The following SRPRB variants were observed in gnomAD, a reference collection of about 807,000 sequenced individuals.
The protein encoded by SRPRB is signal recognition particle receptor subunit beta.
SRPRB carries 20 observed loss-of-function variants against 31.9 expected under a neutral mutation model. The observed-to-expected ratio is 0.63, with a 90% CI of 0.44 to 0.91. The LOEUF (loss-of-function observed/expected upper bound fraction) is 0.91, where lower values mean the gene tolerates loss of function less well. Ranked by LOEUF, SRPRB falls within the 40% of genes least tolerant of loss-of-function variation. The pLI is 0.00. For missense variants in SRPRB, 321 were observed against 324.9 expected, an observed-to-expected ratio of 0.99 and a Z score of 0.09; for synonymous variants, 146 against 132.8, an observed-to-expected ratio of 1.10 and a Z score of -0.68.
downstream of SRPRB, chr3:133,827,265 A>G (rs1935579506): frequency 6.6e-6 from 1 of 152,228 alleles, no homozygotes; most frequent in African/African-American, 2.4e-5. Context: ...CATTCATCCC[A>G]TCTATGACAT....
At chr3:133,803,769 C>T (rs186870817), upstream of SRPRB, among the ~76,000 whole-genome samples, 139 of 151,218 alleles carry the variant, frequency 9.2e-4, no homozygotes, top group African/African-American at 2.4e-3. Flanking sequence ...TGGGCTCAAG[C>T]GCTCCTGCCT....
At chr3:133,823,783 T>TA (rs1317734407), downstream of SRPRB, among the ~76,000 whole-genome samples, 4 of 152,228 alleles carry the variant, frequency 2.6e-5, no homozygotes, top group African/African-American at 9.6e-5. Context: ...ATATGGCAGC[T>TA]AGATGTTGTC....
At chr3:133,823,342 C>T (rs574304508), downstream of SRPRB, among the ~76,000 whole-genome samples, 1 of 152,318 alleles carries the variant, frequency 6.6e-6, no homozygotes, top group East Asian at 1.9e-4. Context: ...TCACTGCAAC[C>T]TCTGCCTCCC....
chr3:133,805,976 C>T lies in SRPRB; in HGVS notation c.128C>T (p.Ala43Val). Residue 43 changes from alanine (A) to valine (V), a missense_variant, in exon 1 of 7, where the codon GCG (alanine) becomes GTG (valine). Transcript: ENST00000678299. ...TDPTLLSVVV[A>V]VLAVLLTLVF... ...CCAACGCTGTTGTCAGTAGTGGTGG[C>T]GGTTCTTGCGGTGCTGCTGACGCTA... 1.2e-6 allele frequency: 2 copies of T among 1,612,848 alleles called. No individual in the cohort carries two copies. The highest frequency in any genetic ancestry group is 1.7e-6 in the Non-Finnish European group (2 of 1,179,314).
At chr3:133,802,088 G>A (rs1202778728), upstream of SRPRB, among the ~76,000 whole-genome samples, 1 of 152,150 alleles carries the variant, frequency 6.6e-6, no homozygotes, top group Non-Finnish European at 1.5e-5. Flanking sequence ...ATTAGAAAAT[G>A]AGTCAGTGTG....
At chr3:133,815,808 GTTA>G in intron 5 of SRPRB, 82 bp downstream of exon 5, 1 of 1,501,694 alleles carries the variant, frequency 6.7e-7, no homozygotes, top group Non-Finnish European at 9.1e-7. Context: ...ATTTACAGTT[GTTA>G]TTATTGAGGA....
rs10512913 is a variant in SRPRB, at chr3:133,820,730, A to T, written c.*964A>T. On this transcript the variant is annotated 3_prime_UTR_variant, in exon 7 of 7. Coordinates refer to ENST00000678299, the MANE Select transcript of SRPRB (RefSeq NM_001379313.1). ...AAACACAAGGCTTTTTTGAATGATT[A>T]GTATATTTCATGGTAAAGAAAACAG... The T allele has an allele frequency of 6.6e-6, 1 of 152,110 alleles. No homozygotes were observed. The highest frequency in any genetic ancestry group is 1.5e-5 in the Non-Finnish European group (1 of 68,008). 9.4% of individuals were successfully genotyped at this position (152,110 alleles called of 1,614,324 possible). A position where few individuals can be genotyped will look rare whatever the true frequency, so the allele number is the denominator to read the frequency against.
At chr3:133,815,794 CATT>C in intron 5 of SRPRB, 68 bp downstream of exon 5, 1 of 1,551,058 alleles carries the variant, frequency 6.4e-7, no homozygotes, top group South Asian at 1.2e-5. Flanking sequence ...GAATTATTTC[CATT>C]ATTTACAGTT....
rs1935470437 is a variant in SRPRB at position 133,821,308 on chromosome 3, G to A, written c.*1542G>A. 6.6e-6 allele frequency: 1 copy of A among 152,344 alleles called. No homozygotes were observed. Among genetic ancestry groups the A allele is most frequent in the Non-Finnish European group, 1.5e-5 (1 of 68,046 alleles). 9.4% of individuals were successfully genotyped at this position (152,344 alleles called of 1,614,324 possible). A position where few individuals can be genotyped will look rare whatever the true frequency, so the allele number is the denominator to read the frequency against. On this transcript the variant is annotated 3_prime_UTR_variant, in exon 7 of 7. Coordinates refer to ENST00000678299, the MANE Select transcript of SRPRB (RefSeq NM_001379313.1). Reference sequence around the variant, plus strand: ...AGGAGTTGTGAGACCCTGACCCTGAGTCCTTACTTGAAAGCTGCTGCTGGT... The same window carrying A: ...AGGAGTTGTGAGACCCTGACCCTGAATCCTTACTTGAAAGCTGCTGCTGGT...
intron 2 of SRPRB, 21 bp from the exon 3 acceptor site, chr3:133,807,725 C>T (rs980061429): frequency 1.0e-5 from 16 of 1,548,720 alleles, no homozygotes; most frequent in Non-Finnish European, 1.2e-5. Flanking sequence ...TTGAATATCA[C>T]CCATCTTGTT....
At chr3:133,796,566 G>GC (rs1429942928) in intron 1 of SRPRB, 1 of 152,214 alleles carries the variant, frequency 6.6e-6, no homozygotes. Context: ...GGGCTATTGA[G>GC]CCCCTATGCT....
intron 3 of SRPRB, chr3:133,810,840 G>A (rs1215483805): frequency 9.9e-6 from 3 of 302,084 alleles, no homozygotes; most frequent in Non-Finnish European, 1.9e-5. Context: ...GGTTTTTCCT[G>A]TACCCTCAAA....
At chr3:133,811,307 G>A (rs1935258094) in intron 4 of SRPRB, 108 bp downstream of exon 4, 1 of 1,168,372 alleles carries the variant, frequency 8.6e-7, no homozygotes, top group South Asian at 1.4e-5. Flanking sequence ...GGTATCCTGT[G>A]GTAGACCTTG....
At chr3:133,801,752 C>T (rs1055103022), upstream of SRPRB, among the ~76,000 whole-genome samples, 5 of 152,132 alleles carry the variant, frequency 3.3e-5, no homozygotes, top group African/African-American at 1.2e-4. Context: ...GTGGTGAATA[C>T]AGAGCAGCGG....
chr3:133,810,283 T>TG (rs1935236400), intron 3 of SRPRB: 1 of 152,282 alleles, frequency 6.6e-6, no homozygotes, highest in Non-Finnish European at 1.5e-5. Flanking sequence ...GGATACTGAT[T>TG]GCCTGCTTCT....
At chr3:133,811,228 G>C in intron 4 of SRPRB, 29 bp downstream of exon 4, 1 of 1,606,414 alleles carries the variant, frequency 6.2e-7, no homozygotes, top group Non-Finnish European at 8.5e-7. Flanking sequence ...AAGTGGGCTT[G>C]TCTAGGTCTG....
downstream of SRPRB, among the ~76,000 whole-genome samples, chr3:133,822,342 G>C (rs1259885759): frequency 6.6e-6 from 1 of 152,150 alleles, no homozygotes; most frequent in Admixed American, 6.6e-5. Context: ...GCTGTGATGA[G>C]TGAGCCCCAG....
chr3:133,800,849 G>A (rs1410311164), upstream of SRPRB, among the ~76,000 whole-genome samples: 1 of 152,104 alleles, frequency 6.6e-6, no homozygotes, highest in African/African-American at 2.4e-5. Flanking sequence ...TCAGGGATGG[G>A]GAATACAGAG....
At chr3:133,791,350 A>C (rs750029613) in intron 1 of SRPRB, 1 of 152,180 alleles carries the variant, frequency 6.6e-6, no homozygotes, top group Non-Finnish European at 1.5e-5. Flanking sequence ...TTCTTAATTC[A>C]TGGCAATGTG....
Sources: allele counts gnomAD v4.1 joint callset (sites outside exome capture counted in the v4.1 genomes callset), GRCh38; gene constraint gnomAD v4.1.1; transcripts MANE v1.5; gene names NCBI Gene and HGNC (gene_info 2026-07-23, HGNC 2026-07-21).